Variants in NME6 observed in about 807,000 individuals in gnomAD.
NME6 encodes nucleoside diphosphate kinase 6, mitochondrial.
NME6 carries 16 observed loss-of-function variants against 22.2 expected under a neutral mutation model. The observed-to-expected ratio is 0.72, with a 90% CI of 0.49 to 1.09. The LOEUF is 1.09. Among genes scored for constraint, NME6 ranks in the 50% least tolerant of loss-of-function variants. The pLI is 0.00. For synonymous variants in NME6, 58 were observed against 85.2 expected (o/e 0.68, Z 1.76); for missense variants, 229 against 239.0 (o/e 0.96, Z 0.28).
In NME6 at chr3:48,292,358, T is replaced by C. The variant is rs150504859; in HGVS notation, c.*2279A>G. Reference sequence around the variant, plus strand: ...AGGGTTTATTCTAGTTTTCTCCCTTTCCATATTTGTGGGAGCCAGGTTTTT... The same window carrying C: ...AGGGTTTATTCTAGTTTTCTCCCTTCCCATATTTGTGGGAGCCAGGTTTTT... On this transcript the variant is annotated 3_prime_UTR_variant, in exon 6 of 6. Coordinates refer to ENST00000442597, the MANE Select transcript of NME6 (RefSeq NM_001308426.2). 1.1e-3 allele frequency: 173 copies of C among 152,328 alleles called. No homozygotes were observed. The highest frequency in any genetic ancestry group is 4.0e-3 in the African/African-American group (168 of 41,580). The allele number at this position is 152,328 out of a possible 1,614,324, so 9.4% of individuals were successfully genotyped here. A position where few individuals can be genotyped will look rare whatever the true frequency, so the allele number is the denominator to read the frequency against.
intron 1 of NME6, chr3:48,300,549 CA>C: frequency 2.9e-6 from 1 of 347,992 alleles, no homozygotes. Context: ...TGGCTCTTAA[CA>C]GTATCTGAAT....
chr3:48,293,031 G>T lies in NME6; in HGVS notation c.*1606C>A, dbSNP rs763944405. On this transcript the variant is annotated 3_prime_UTR_variant, in exon 6 of 6. Transcript: ENST00000442597. ...GCTAACACACTGCCTGCTGTGCCCT[G>T]AGCAGTAGTCTCTGCCCAAGTAATC... 7 of 152,216 alleles carry T rather than the reference G, an allele frequency of 4.6e-5. No homozygotes were observed. Among genetic ancestry groups the T allele is most frequent in the Non-Finnish European group, 8.8e-5 (6 of 68,066 alleles). 9.4% of individuals were successfully genotyped at this position (152,216 alleles called of 1,614,324 possible). A position where few individuals can be genotyped will look rare whatever the true frequency, so the allele number is the denominator to read the frequency against.
chr3:48,294,545 T>TTA lies in NME6; in HGVS notation c.*91_*92insTA. ...TGGTGGTGCCCAGCAGAAATGGCAC[T>TTA]GTAAGCCAGGCTTCCCTGGTCCTAG... On this transcript the variant is annotated 3_prime_UTR_variant, in exon 6 of 6. Coordinates refer to ENST00000442597, the MANE Select transcript of NME6 (RefSeq NM_001308426.2). The TTA allele has an allele frequency of 7.1e-7, 1 of 1,414,694 alleles. No individual in the cohort carries two copies. The highest frequency in any genetic ancestry group is 9.7e-7 in the Non-Finnish European group (1 of 1,027,100). 87.6% of individuals were successfully genotyped at this position (1,414,694 alleles called of 1,614,324 possible). A position where few individuals can be genotyped will look rare whatever the true frequency, so the allele number is the denominator to read the frequency against.
chr3:48,295,169 T>G lies in NME6; in HGVS notation c.300A>C (p.Gly100=), dbSNP rs1462000915. The change falls in exon 5 of 6, where the codon GGA becomes GGC. Residue 100 remains glycine (G), a synonymous_variant. Coordinates refer to ENST00000442597, the MANE Select transcript of NME6 (RefSeq NM_001308426.2). The stretch of plus-strand genomic sequence containing the variant: ...GGCGTGCTCGGAACACTCTGGTGGG[T>G]CCCATGAGCGTCCTCCAGAGCTGGA... The part of the protein sequence containing the change: ...DAIQLWRTLM[G]PTRVFRARHV... The G allele has an allele frequency of 6.2e-7, 1 of 1,613,892 alleles. No individual in the cohort carries two copies. The highest frequency in any genetic ancestry group is 8.5e-7 in the Non-Finnish European group (1 of 1,180,004).
chr3:48,295,214 G>A lies in NME6; in HGVS notation c.255C>T (p.Ile85=), dbSNP rs769567226. Residue 85 remains isoleucine (I), a synonymous_variant, in exon 5 of 6, where the codon ATC becomes ATT. Transcript: ENST00000442597. The stretch of plus-strand genomic sequence containing the variant: ...GCTGGATGGCATCCTTGTGGGCAAG[G>A]ATGTAGGCTCGGATTGGCCCGCTGT... ...FMASGPIRAY[I]LAHKDAIQLW... 2 of 1,613,924 alleles carry A rather than the reference G, an allele frequency of 1.2e-6. No individual in the cohort carries two copies. The highest frequency in any genetic ancestry group is 1.7e-6 in the Non-Finnish European group (2 of 1,179,830).
At chr3:48,300,943 G>A (rs556431435) in intron 1 of NME6, among the ~76,000 whole-genome samples, 1 of 152,130 alleles carries the variant, frequency 6.6e-6, no homozygotes, top group South Asian at 2.1e-4. Flanking sequence ...AGCTACTAGG[G>A]AGGCTGAGGC....
In NME6 at chr3:48,294,539, T is replaced by C; in HGVS notation, c.*98A>G. ...GGCAGGTGGTGGTGCCCAGCAGAAA[T>C]GGCACTGTAAGCCAGGCTTCCCTGG... is the stretch of plus-strand genomic sequence containing the variant. On this transcript the variant is annotated 3_prime_UTR_variant, in exon 6 of 6. Coordinates refer to ENST00000442597, the MANE Select transcript of NME6 (RefSeq NM_001308426.2). The C allele has an allele frequency of 7.6e-7, 1 of 1,310,706 alleles. No individual in the cohort carries two copies. The highest frequency in any genetic ancestry group is 1.1e-6 in the Non-Finnish European group (1 of 936,930). 81.2% of individuals were successfully genotyped at this position (1,310,706 alleles called of 1,614,324 possible). A position where few individuals can be genotyped will look rare whatever the true frequency, so the allele number is the denominator to read the frequency against.
rs1329145937 is a variant in NME6 at position 48,294,629 on chromosome 3, G to A, written c.*8C>T. 4 of 1,613,496 alleles carry A rather than the reference G, an allele frequency of 2.5e-6. No homozygotes were observed. Among genetic ancestry groups the A allele is most frequent in the Non-Finnish European group, 2.5e-6 (3 of 1,179,742 alleles). On this transcript the variant is annotated 3_prime_UTR_variant, in exon 6 of 6. Coordinates refer to ENST00000442597, the MANE Select transcript of NME6 (RefSeq NM_001308426.2). ...CTGGGCACTACCACTGGTCTTCATA[G>A]ACCTGCATCAGGCTGGTCCTAGGCC...
At chr3:48,296,363 T>C in intron 3 of NME6, 1 of 685,364 alleles carries the variant, frequency 1.5e-6, no homozygotes, top group Non-Finnish European at 2.5e-6. Context: ...CCTCCTAAAC[T>C]TGGCTTCCTA....
At chr3:48,294,986 A>G in intron 5 of NME6, 89 bp downstream of exon 5, 2 of 1,495,100 alleles carry the variant, frequency 1.3e-6, no homozygotes, top group South Asian at 2.5e-5. Flanking sequence ...AATGGAAGAA[A>G]GCTCACTGGA....
chr3:48,301,184 C>T (rs916619150), intron 1 of NME6, 169 bp downstream of exon 1: 7 of 1,360,626 alleles, frequency 5.1e-6, no homozygotes, highest in African/African-American at 2.9e-5. Flanking sequence ...ACCCCCGTGG[C>T]CACGCCCTCC....
At chr3:48,294,826 G>A in intron 5 of NME6, 23 bp from the exon 6 acceptor site, 3 of 1,608,614 alleles carry the variant, frequency 1.9e-6, no homozygotes, top group Non-Finnish European at 2.6e-6. Context: ...ATAAGACAGA[G>A]AAGGGGTTCT....
chr3:48,295,947 C>A, intron 4 of NME6, 172 bp downstream of exon 4: 2 of 631,402 alleles, frequency 3.2e-6, no homozygotes, highest in East Asian at 2.8e-5. Context: ...AAACTCCTGA[C>A]CTCAAGTGAT....
chr3:48,289,892 G>A (rs1026883396), downstream of NME6, among the ~76,000 whole-genome samples: 4 of 152,068 alleles, frequency 2.6e-5, no homozygotes, highest in African/African-American at 9.7e-5. Flanking sequence ...GAATAAAGAA[G>A]ACTGTTATGA....
rs1465739457 is a variant in NME6, at chr3:48,293,975, A to C, written c.*662T>G. On this transcript the variant is annotated 3_prime_UTR_variant, in exon 6 of 6. Coordinates refer to ENST00000442597, the MANE Select transcript of NME6 (RefSeq NM_001308426.2). Reference sequence around the variant, plus strand: ...TGATGAAGCCTGAAAAGTTTCCCCTAAATGTGGCAGCATAAAGGATTCAGG... The same window carrying C: ...TGATGAAGCCTGAAAAGTTTCCCCTCAATGTGGCAGCATAAAGGATTCAGG... 1 of 152,204 alleles carries C rather than the reference A, an allele frequency of 6.6e-6. No individual in the cohort carries two copies. Among genetic ancestry groups the C allele is most frequent in the East Asian group, 1.9e-4 (1 of 5,206 alleles). The allele number at this position is 152,204 out of a possible 1,614,324, so 9.4% of individuals were successfully genotyped here.
intron 3 of NME6, 89 bp from the exon 4 acceptor site, chr3:48,296,247 A>C: frequency 6.3e-7 from 1 of 1,580,622 alleles, no homozygotes; most frequent in Non-Finnish European, 8.7e-7. Context: ...CTAGAATAAT[A>C]AAAATTGTTT....
At chr3:48,301,205 G>T (rs567415992) in intron 1 of NME6, 148 bp downstream of exon 1, 1 of 1,458,196 alleles carries the variant, frequency 6.9e-7, no homozygotes, top group Non-Finnish European at 9.2e-7. Flanking sequence ...AGCCCCCCGG[G>T]CTCACGGCCT....
In NME6 at chr3:48,296,895, G is replaced by A. The variant is rs1170781051; in HGVS notation, c.91-66C>T. ...ACTGAAACTGACCAAAAGAAACCAT[G>A]AGGACCACTTGTTGCTCAGGACCTG... On this transcript the variant is annotated intron_variant, in intron 2 of 5. Transcript: ENST00000442597. 4.0e-6 allele frequency: 5 copies of A among 1,237,710 alleles called. No homozygotes were observed. The East Asian group carries it at 9.3e-5, about 23-fold the overall frequency. The allele number at this position is 1,237,710 out of a possible 1,614,324, so 76.7% of individuals were successfully genotyped here.
chr3:48,300,528 T>C, intron 1 of NME6: 1 of 361,788 alleles, frequency 2.8e-6, no homozygotes, highest in Non-Finnish European at 5.4e-6. Flanking sequence ...AAGCAGTACC[T>C]AGCACACAGC....
Sources: gnomAD v4.1 joint callset for allele counts (sites outside exome capture counted in the v4.1 genomes callset) on GRCh38, gnomAD v4.1.1 for gene constraint, MANE v1.5 for transcripts, NCBI Gene and HGNC (gene_info 2026-07-23, HGNC 2026-07-21) for gene names.